Variants in MPP4 observed in about 807,000 individuals in gnomAD.
MPP4 encodes the protein MAGUK p55 scaffold protein 4.
In MPP4, 91 loss-of-function variants were observed where a neutral mutation model predicts 98.3. That is an observed-to-expected ratio of 0.93 (90% confidence interval 0.78 to 1.10). The LOEUF (loss-of-function observed/expected upper bound fraction) is 1.10. Among genes scored for constraint, MPP4 ranks in the 50% least tolerant of loss-of-function variants. The probability of loss-of-function intolerance (pLI) is 0.00; values close to 1 mark genes in which losing one functional copy is unlikely to be tolerated. For missense variants in MPP4, 744 were observed against 792.9 expected (o/e 0.94, Z 0.74); for synonymous variants, 261 against 271.8 (o/e 0.96, Z 0.39).
At chr2:201,650,861 A>G in intron 18 of MPP4, 1 of 985,366 alleles carries the variant, frequency 1.0e-6, no homozygotes, top group Non-Finnish European at 1.2e-6. Flanking sequence ...TGATTCTTTG[A>G]TATGGCCACT....
intron 10 of MPP4, among the ~76,000 whole-genome samples, chr2:201,676,698 G>A (rs182515006): frequency 1.6e-4 from 25 of 152,270 alleles, no homozygotes; most frequent in Middle Eastern, 3.4e-3. Flanking sequence ...TCAGGAGTTC[G>A]AGACCAGCTT....
At chr2:201,654,258 G>A (rs987462188) in intron 18 of MPP4, among the ~76,000 whole-genome samples, 10 of 152,146 alleles carry the variant, frequency 6.6e-5, no homozygotes, top group African/African-American at 2.2e-4. Context: ...TTACAGGAGT[G>A]AGCCACCGTG....
In MPP4 at chr2:201,649,593, T is replaced by A; in HGVS notation, c.1567A>T (p.Met523Leu). The change falls in exon 20 of 22, where the codon ATG (methionine) becomes TTG (leucine). Residue 523 changes from methionine (M) to leucine (L), a missense_variant. Met to Leu is a conservative substitution (Grantham distance 15). Coordinates refer to ENST00000409474, the MANE Select transcript of MPP4 (RefSeq NM_033066.3). Reference sequence around the variant, plus strand: ...GGACCCACCTGAGGCTCTAGGTCCATGACACAGATCTTTCCTTCGACAAGG... The same window carrying A: ...GGACCCACCTGAGGCTCTAGGTCCAAGACACAGATCTTTCCTTCGACAAGG... ...TVLVEGKICV[M>L]DLEPQDIQGV... 6.2e-7 allele frequency: 1 copy of A among 1,605,246 alleles called. No individual in the cohort carries two copies.
intron 2 of MPP4, among the ~76,000 whole-genome samples, chr2:201,693,483 TCTAA>T (rs1406738732): frequency 1.3e-5 from 2 of 152,188 alleles, no homozygotes; most frequent in African/African-American, 4.8e-5. Context: ...ATTGAAAAAT[TCTAA>T]CTCCCAATAG....
At chr2:201,652,417 C>T (rs1285236375) in intron 18 of MPP4, among the ~76,000 whole-genome samples, 1 of 152,182 alleles carries the variant, frequency 6.6e-6, no homozygotes, top group Admixed American at 6.5e-5. Context: ...CAAGATCACA[C>T]CACTGCACTC....
At chr2:201,684,913 A>G in intron 7 of MPP4, 151 bp downstream of exon 7, 1 of 513,380 alleles carries the variant, frequency 1.9e-6, no homozygotes, top group South Asian at 2.2e-5. Context: ...ACGCCACTGC[A>G]CTCCAGCCTG....
chr2:201,690,329 C>T (rs776227094), intron 3 of MPP4, 50 bp from the exon 4 acceptor site: 2 of 1,277,224 alleles, frequency 1.6e-6, no homozygotes, highest in Non-Finnish European at 2.2e-6. Flanking sequence ...ATGACTATTG[C>T]CATTTTGGAT....
At chr2:201,695,139 C>T (rs1443773430) in intron 1 of MPP4, among the ~76,000 whole-genome samples, 1 of 152,094 alleles carries the variant, frequency 6.6e-6, no homozygotes, top group Non-Finnish European at 1.5e-5. Flanking sequence ...CCACGAAGTC[C>T]TCAGGGAATA....
chr2:201,676,563 T>A (rs554084265), intron 10 of MPP4, among the ~76,000 whole-genome samples: 3 of 152,202 alleles, frequency 2.0e-5, no homozygotes, highest in Admixed American at 1.3e-4. Flanking sequence ...ATTCATTAAT[T>A]ATTTGAAGAG....
chr2:201,687,438 C>G, intron 4 of MPP4, 67 bp from the exon 5 acceptor site: 1 of 1,224,784 alleles, frequency 8.2e-7, no homozygotes. Context: ...TAACCTCACC[C>G]AGGCTGGATA....
intron 21 of MPP4, chr2:201,646,773 C>G (rs997497642): frequency 1.2e-4 from 19 of 152,086 alleles, no homozygotes; most frequent in African/African-American, 4.6e-4. Flanking sequence ...TTAGCATGGC[C>G]CTTGTACAAG....
chr2:201,646,901 C>G (rs537248106), intron 21 of MPP4: 1 of 152,268 alleles, frequency 6.6e-6, no homozygotes, highest in Non-Finnish European at 1.5e-5. Flanking sequence ...AATACTAACA[C>G]TGAACTGTAC....
intron 21 of MPP4, among the ~76,000 whole-genome samples, chr2:201,647,420 GTGA>G (rs1453877300): frequency 6.6e-6 from 1 of 152,100 alleles, no homozygotes; most frequent in Middle Eastern, 3.2e-3. Context: ...ATATCTGTAA[GTGA>G]TGTCCATCCA....
rs566653567 is a variant in MPP4 at position 201,681,485 on chromosome 2, T to C, written c.732+11A>G. ...ACTGTGTGTGAGATTGAAGGCTCAGTAAATTCTTACCATCTGCTGGCTATT... is the reference window on the plus strand; with the variant it reads ...ACTGTGTGTGAGATTGAAGGCTCAGCAAATTCTTACCATCTGCTGGCTATT... On this transcript the variant is annotated intron_variant, in intron 9 of 21. Coordinates refer to ENST00000409474, the MANE Select transcript of MPP4 (RefSeq NM_033066.3). 1.6e-4 allele frequency: 253 copies of C among 1,608,534 alleles called. No homozygotes were observed. The South Asian group carries it at 2.5e-3, about 16-fold the overall frequency.
intron 10 of MPP4, among the ~76,000 whole-genome samples, chr2:201,675,565 C>T (rs1180668217): frequency 6.6e-6 from 1 of 152,198 alleles, no homozygotes; most frequent in Non-Finnish European, 1.5e-5. Context: ...GTAAATGACC[C>T]GTGGTAAGCT....
intron 10 of MPP4, among the ~76,000 whole-genome samples, chr2:201,677,544 C>A (rs946176911): frequency 1.3e-5 from 2 of 152,056 alleles, no homozygotes; most frequent in African/African-American, 2.4e-5. Flanking sequence ...AAAACAAAAC[C>A]CCCCCAGCTA....
chr2:201,681,620 T>C, intron 8 of MPP4, 53 bp from the exon 9 acceptor site: 1 of 1,369,564 alleles, frequency 7.3e-7, no homozygotes, highest in Non-Finnish European at 1.0e-6. Flanking sequence ...GCAGGGTTAC[T>C]GGGGCTCGGT....
chr2:201,663,476 G>C (rs1313054587), intron 14 of MPP4, among the ~76,000 whole-genome samples: 2 of 152,186 alleles, frequency 1.3e-5, no homozygotes, highest in African/African-American at 4.8e-5. Flanking sequence ...CTCACTTTGG[G>C]AGGTCAAGGT....
intron 2 of MPP4, 81 bp from the exon 3 acceptor site, chr2:201,693,110 A>G: frequency 1.3e-6 from 2 of 1,500,060 alleles, no homozygotes; most frequent in Non-Finnish European, 1.8e-6. Flanking sequence ...GGGGCATGCC[A>G]TGGGGTCTCA....
Sources: allele counts gnomAD v4.1 joint callset (sites outside exome capture counted in the v4.1 genomes callset), GRCh38; gene constraint gnomAD v4.1.1; transcripts MANE v1.5; gene names NCBI Gene and HGNC (gene_info 2026-07-23, HGNC 2026-07-21).